The following EPHA7 variants were observed in gnomAD, a reference collection of about 807,000 sequenced individuals.
EPHA7 encodes the protein EPH receptor A7.
A neutral mutation model predicts 112.6 loss-of-function variants in EPHA7; 25 were observed. The ratio of observed to expected loss-of-function variants is 0.22; its 90% CI spans 0.16 to 0.31. EPHA7 has a LOEUF of 0.31. EPHA7 is among the 10% of genes least tolerant of loss of function. The pLI is 1.00. For missense variants in EPHA7, 962 were observed against 1,212.6 expected, an observed-to-expected ratio of 0.79 and a Z score of 3.07; for synonymous variants, 437 against 406.5, an observed-to-expected ratio of 1.07 and a Z score of -0.90.
At chr6:93,363,579 T>A (rs762276133) in intron 3 of EPHA7, among the ~76,000 whole-genome samples, 20 of 152,018 alleles carry the variant, frequency 1.3e-4, no homozygotes, top group African/African-American at 4.8e-4. Context: ...TTGGTGAAAA[T>A]ATGGAGGAAT....
At chr6:93,369,584 C>G (rs1776684190) in intron 3 of EPHA7, among the ~76,000 whole-genome samples, 1 of 152,184 alleles carries the variant, frequency 6.6e-6, no homozygotes, top group Admixed American at 6.5e-5. Flanking sequence ...TTTCTGAGCT[C>G]TTAAGGCTAC....
chr6:93,341,583 T>C (rs1017938200), intron 5 of EPHA7, among the ~76,000 whole-genome samples: 7 of 151,814 alleles, frequency 4.6e-5, no homozygotes, highest in Non-Finnish European at 1.0e-4. Context: ...ACAAGGCTAA[T>C]TGTAAATGTT....
intron 3 of EPHA7, among the ~76,000 whole-genome samples, chr6:93,376,920 C>T (rs913547999): frequency 6.6e-6 from 1 of 152,148 alleles, no homozygotes; most frequent in African/African-American, 2.4e-5. Context: ...TTCCGCATTC[C>T]TGGAAGTATC....
intron 2 of EPHA7, among the ~76,000 whole-genome samples, chr6:93,413,754 T>G (rs1192400697): frequency 2.6e-5 from 4 of 151,916 alleles, no homozygotes; most frequent in Non-Finnish European, 4.4e-5. Context: ...TTGTTCATAT[T>G]TTACATTCTT....
chr6:93,386,853 C>A (rs987076373), intron 3 of EPHA7, among the ~76,000 whole-genome samples: 1 of 149,780 alleles, frequency 6.7e-6, no homozygotes, highest in Non-Finnish European at 1.5e-5. Flanking sequence ...GTACCTTGGC[C>A]CCTTTTAGCC....
chr6:93,274,381 G>T (rs1001600789), intron 5 of EPHA7, among the ~76,000 whole-genome samples: 2 of 151,774 alleles, frequency 1.3e-5, no homozygotes, highest in South Asian at 2.1e-4. Flanking sequence ...AATATAAAAT[G>T]AGATGATTTT....
chr6:93,419,097 G>C lies in EPHA7; in HGVS notation c.97+148C>G, dbSNP rs896515109. The C allele has an allele frequency of 2.6e-5, 14 of 545,626 alleles. No homozygotes were observed. In the East Asian group the frequency reaches 3.8e-4, roughly 15 times the overall value. The allele number at this position is 545,626 out of a possible 1,614,324, so 33.8% of individuals were successfully genotyped here. ...TCGCGCTCGCTGGTCCGCCAGGAGC[G>C]GCCTCAGCGGTGAGGGGGCGGGGAG... On this transcript the variant is annotated intron_variant, in intron 1 of 16. Coordinates refer to ENST00000369303, the MANE Select transcript of EPHA7 (RefSeq NM_004440.4).
At chr6:93,307,032 A>G (rs572824012) in intron 5 of EPHA7, among the ~76,000 whole-genome samples, 126 of 152,100 alleles carry the variant, frequency 8.3e-4, no homozygotes, top group African/African-American at 2.8e-3. Context: ...ATTGCATAAA[A>G]GAAGTATAAT....
intron 3 of EPHA7, among the ~76,000 whole-genome samples, chr6:93,391,178 G>A (rs958465164): frequency 1.3e-5 from 2 of 151,874 alleles, no homozygotes; most frequent in Non-Finnish European, 2.9e-5. Flanking sequence ...AATCCCTTCA[G>A]AATTTTCTAG....
At chr6:93,274,052 C>T in intron 5 of EPHA7, among the ~76,000 whole-genome samples, 1 of 151,982 alleles carries the variant, frequency 6.6e-6, no homozygotes, top group East Asian at 1.9e-4. Context: ...CAATGGTTAA[C>T]ATACTGAGTT....
In EPHA7 at chr6:93,240,998, G is replaced by A. The variant is rs1335385302; in HGVS notation, c.*2428C>T. On this transcript the variant is annotated 3_prime_UTR_variant, in exon 17 of 17. Transcript: ENST00000369303. ...ATCCCTTCTCCCCTTTCCCTGTAAA[G>A]AGCTGTAAAAAATTTAAGGCAGATG... 1 of 212,622 alleles carries A rather than the reference G, an allele frequency of 4.7e-6. No homozygotes were observed. Among genetic ancestry groups the A allele is most frequent in the Non-Finnish European group, 9.5e-6 (1 of 105,068 alleles). 13.2% of individuals were successfully genotyped at this position (212,622 alleles called of 1,614,324 possible). A position where few individuals can be genotyped will look rare whatever the true frequency, so the allele number is the denominator to read the frequency against.
chr6:93,416,287 G>T (rs1779221574), intron 1 of EPHA7, among the ~76,000 whole-genome samples: 1 of 152,110 alleles, frequency 6.6e-6, no homozygotes, highest in Non-Finnish European at 1.5e-5. Flanking sequence ...AAACAAGGTG[G>T]GTGGTCAGGT....
chr6:93,271,287 AAAAC>A, intron 6 of EPHA7, among the ~76,000 whole-genome samples: 1 of 150,952 alleles, frequency 6.6e-6, no homozygotes, highest in South Asian at 2.1e-4. Flanking sequence ...TTTCTTTAAA[AAAAC>A]AAAGGTATCT....
intron 5 of EPHA7, among the ~76,000 whole-genome samples, chr6:93,347,990 CA>C (rs1775485834): frequency 1.3e-5 from 2 of 151,722 alleles, no homozygotes; most frequent in African/African-American, 4.8e-5. Context: ...ATATGAGACG[CA>C]ACTTAAAACA....
At position 93,419,477 on chromosome 6, in the gene EPHA7, C is replaced by G; in HGVS notation, c.-136G>C. ...CCTTCTCGGTCCCCGATCGGCTGCT[C>G]CACGTTTAGCTTTTTTTAATTTCCC... On this transcript the variant is annotated 5_prime_UTR_variant, in exon 1 of 17. Coordinates refer to ENST00000369303, the MANE Select transcript of EPHA7 (RefSeq NM_004440.4). 3 of 644,856 alleles carry G rather than the reference C, an allele frequency of 4.7e-6. No homozygotes were observed. The highest frequency in any genetic ancestry group is 7.8e-6 in the Non-Finnish European group (3 of 384,298). 39.9% of individuals were successfully genotyped at this position (644,856 alleles called of 1,614,324 possible).
chr6:93,342,194 A>C (rs13203837), intron 5 of EPHA7, among the ~76,000 whole-genome samples: 30,154 of 151,830 alleles, frequency 0.2, 3,628 homozygotes, highest in Non-Finnish European at 0.27. Context: ...TTTTTTAAAA[A>C]GCCTACAGGT....
rs71542009 is a variant in EPHA7, at chr6:93,311,114, A to ATTTTTTTTTTTTTTTTTTTTTTTTTTT, written c.1325-38719_1325-38693dup. Among the ~76,000 whole-genome samples the ATTTTTTTTTTTTTTTTTTTTTTTTTTT allele has an allele frequency of 8.9e-5, 7 of 78,526 alleles. 3 individuals carry two copies. Among genetic ancestry groups the ATTTTTTTTTTTTTTTTTTTTTTTTTTT allele is most frequent in the African/African-American group, 1.2e-4 (2 of 17,006 alleles). The allele number at this position is 78,526 out of a possible 152,430, so 51.5% of individuals were successfully genotyped here. ...ACAGGCATGTGCATCATGCCCAGCT[A>ATTTTTTTTTTTTTTTTTTTTTTTTTTT]TTTTTTTTTTTTTTTTTTTTTTTTT... is the stretch of plus-strand genomic sequence containing the variant. On this transcript the variant is annotated intron_variant, in intron 5 of 16. Transcript: ENST00000369303.
chr6:93,250,713 ACTGAATTCAT>A (rs1770170810), intron 14 of EPHA7, among the ~76,000 whole-genome samples: 1 of 152,170 alleles, frequency 6.6e-6, no homozygotes, highest in Non-Finnish European at 1.5e-5. Flanking sequence ...TAACTGGTTC[ACTGAATTCAT>A]CTGAAACATA....
intron 5 of EPHA7, 68 bp from the exon 6 acceptor site, chr6:93,272,490 A>G (rs1771276849): frequency 6.3e-7 from 1 of 1,592,864 alleles, no homozygotes; most frequent in Non-Finnish European, 8.6e-7. Context: ...AAATGTCACA[A>G]CTGATCAGTC....
Sources: allele counts gnomAD v4.1 joint callset (sites outside exome capture counted in the v4.1 genomes callset), GRCh38; gene constraint gnomAD v4.1.1; transcripts MANE v1.5; gene names NCBI Gene and HGNC (gene_info 2026-07-23, HGNC 2026-07-21).